The following PDLIM1 variants were observed in gnomAD, a reference collection of about 807,000 sequenced individuals.
The protein encoded by PDLIM1 is PDZ and LIM domain protein 1.
Under a neutral mutation model 35.2 loss-of-function variants are expected in PDLIM1, and 25 were observed. That is an observed-to-expected ratio of 0.71 (90% CI 0.52 to 0.99). The LOEUF (loss-of-function observed/expected upper bound fraction) is 0.99, where lower values mean the gene tolerates loss of function less well. PDLIM1 is among the 50% of genes least tolerant of loss of function. The pLI is 0.00. For synonymous variants in PDLIM1, 152 were observed against 154.0 expected (o/e 0.99, Z 0.10); for missense variants, 363 against 415.3 (o/e 0.87, Z 1.09).
chr10:95,270,320 G>T (rs1378475456), intron 2 of PDLIM1, among the ~76,000 whole-genome samples: 3 of 151,396 alleles, frequency 2.0e-5, no homozygotes, highest in African/African-American at 7.3e-5. Context: ...CCACCTGCCA[G>T]TCCTGTGCCA....
intron 4 of PDLIM1, among the ~76,000 whole-genome samples, chr10:95,256,938 G>A (rs2035315570): frequency 7.4e-6 from 1 of 135,188 alleles, no homozygotes; most frequent in African/African-American, 2.8e-5. Context: ...TCATGCCATT[G>A]CACTCCAGCC....
chr10:95,262,529 G>A (rs1020607269), intron 4 of PDLIM1, among the ~76,000 whole-genome samples: 6 of 152,154 alleles, frequency 3.9e-5, no homozygotes, highest in African/African-American at 1.4e-4. Flanking sequence ...CCTGCATGAG[G>A]CACGTGGCTG....
At chr10:95,264,226 C>T (rs2296965) in intron 3 of PDLIM1, among the ~76,000 whole-genome samples, 163 bp from the exon 4 acceptor site, 65,630 of 151,822 alleles carry the variant, frequency 0.43, 15,035 homozygotes, top group Non-Finnish European at 0.51. Flanking sequence ...CTGAGACACA[C>T]GGGCAATGAC....
intron 4 of PDLIM1, among the ~76,000 whole-genome samples, chr10:95,255,271 T>G (rs780144433): frequency 2.0e-5 from 3 of 148,774 alleles, no homozygotes; most frequent in Non-Finnish European, 3.0e-5. Flanking sequence ...AGAGAATGCT[T>G]CCAAACTCAT....
intron 4 of PDLIM1, among the ~76,000 whole-genome samples, chr10:95,247,964 T>C (rs2035237383): frequency 1.3e-5 from 2 of 152,196 alleles, no homozygotes; most frequent in South Asian, 2.1e-4. Context: ...TTGTGAACTG[T>C]TGATGTTCAG....
At chr10:95,247,138 C>A in intron 5 of PDLIM1, 77 bp downstream of exon 5, 1 of 1,335,710 alleles carries the variant, frequency 7.5e-7, no homozygotes, top group South Asian at 1.4e-5. Flanking sequence ...AGAGTGTGTT[C>A]ACCTGTGCTT....
chr10:95,243,075 T>C (rs912921859), intron 5 of PDLIM1, among the ~76,000 whole-genome samples: 3 of 152,174 alleles, frequency 2.0e-5, no homozygotes, highest in African/African-American at 7.2e-5. Flanking sequence ...AGGAGGGACA[T>C]GAAATCTCCA....
chr10:95,269,797 G>T (rs45557337), intron 2 of PDLIM1, among the ~76,000 whole-genome samples: 1 of 151,984 alleles, frequency 6.6e-6, no homozygotes, highest in Non-Finnish European at 1.5e-5. Flanking sequence ...AATGAATGGC[G>T]TGATCTTGGC....
intron 5 of PDLIM1, among the ~76,000 whole-genome samples, chr10:95,240,236 C>T (rs2035166679): frequency 6.6e-6 from 1 of 152,194 alleles, no homozygotes; most frequent in Non-Finnish European, 1.5e-5. Context: ...GACATGGAAT[C>T]AACCTAAATT....
chr10:95,260,177 G>A lies in PDLIM1; in HGVS notation c.533+3687C>T, dbSNP rs1320307644. ...CCCATTGCATTGTCTCAACAACCTG[G>A]TGGTAAAGAAGTTAGTATTATTTCC... On this transcript the variant is annotated intron_variant, in intron 4 of 6. Transcript: ENST00000329399. 4.6e-5 allele frequency among the ~76,000 whole-genome samples: 7 copies of A among 152,324 alleles called. No individual in the cohort carries two copies. In the East Asian group the frequency reaches 1.3e-3, roughly 29 times the overall value.
intron 4 of PDLIM1, among the ~76,000 whole-genome samples, chr10:95,252,431 C>A (rs1018175094): frequency 6.6e-6 from 1 of 152,108 alleles, no homozygotes; most frequent in African/African-American, 2.4e-5. Flanking sequence ...TGAGAGGAAG[C>A]CAGTGAATAC....
chr10:95,290,737 C>T lies in PDLIM1; in HGVS notation c.96+83G>A. ...GCCCGGCTGCGGTTCCGACTCCGTC[C>T]CCGACCGCGCCCGCGGGGCCCCAGT... On this transcript the variant is annotated intron_variant, in intron 1 of 6. Coordinates refer to ENST00000329399, the MANE Select transcript of PDLIM1 (RefSeq NM_020992.4). This position sits in a 1 kb window ranked among gnomAD's most constrained non-coding sequence, Gnocchi z 4.7. 1 of 970,552 alleles carries T rather than the reference C, an allele frequency of 1.0e-6. No homozygotes were observed. Among genetic ancestry groups the T allele is most frequent in the South Asian group, 1.9e-5 (1 of 52,240 alleles). The allele number at this position is 970,552 out of a possible 1,614,324, so 60.1% of individuals were successfully genotyped here.
chr10:95,282,005 A>G (rs2035565276), intron 1 of PDLIM1, among the ~76,000 whole-genome samples: 1 of 152,226 alleles, frequency 6.6e-6, no homozygotes, highest in Non-Finnish European at 1.5e-5. Context: ...TAAATGTGTA[A>G]CTAAGTGAAA....
At chr10:95,244,141 C>T (rs45523137) in intron 5 of PDLIM1, among the ~76,000 whole-genome samples, 12,221 of 152,122 alleles carry the variant, frequency 0.08, 642 homozygotes, top group Middle Eastern at 0.16. Context: ...CTTAATATAA[C>T]GGCTTCTTCT....
chr10:95,270,875 C>T (rs1421822436), intron 2 of PDLIM1, among the ~76,000 whole-genome samples: 17 of 151,898 alleles, frequency 1.1e-4, no homozygotes, highest in African/African-American at 2.7e-4. Flanking sequence ...CTCGGCCTCC[C>T]GAGTAGCTGG....
intron 5 of PDLIM1, among the ~76,000 whole-genome samples, chr10:95,239,136 G>C (rs2035152593): frequency 6.6e-6 from 1 of 152,146 alleles, no homozygotes; most frequent in South Asian, 2.1e-4. Context: ...TGGGAGACCT[G>C]GCTAGCCATA....
chr10:95,239,368 G>C (rs2035155296), intron 5 of PDLIM1, among the ~76,000 whole-genome samples: 1 of 152,146 alleles, frequency 6.6e-6, no homozygotes, highest in Non-Finnish European at 1.5e-5. Flanking sequence ...TTAAACTAAA[G>C]AGCTTCTGCA....
intron 4 of PDLIM1, among the ~76,000 whole-genome samples, chr10:95,250,276 A>G (rs1450056700): frequency 6.6e-6 from 1 of 152,120 alleles, no homozygotes; most frequent in Non-Finnish European, 1.5e-5. Flanking sequence ...GAACACACCA[A>G]AAAAATGACA....
At chr10:95,253,990 T>A (rs745866272) in intron 4 of PDLIM1, among the ~76,000 whole-genome samples, 1 of 151,860 alleles carries the variant, frequency 6.6e-6, no homozygotes, top group Non-Finnish European at 1.5e-5. Context: ...TACAAAGACA[T>A]AGAATAAAAA....
Sources: gnomAD v4.1 joint callset for allele counts (sites outside exome capture counted in the v4.1 genomes callset) on GRCh38, gnomAD v4.1.1 for gene constraint, Gnocchi (gnomAD v3.1) non-coding constraint, MANE v1.5 for transcripts, NCBI Gene and HGNC (gene_info 2026-07-23, HGNC 2026-07-21) for gene names.